The following RARB variants were observed in gnomAD, a reference collection of about 807,000 sequenced individuals.
RARB encodes HBV-activated protein.
RARB carries 17 observed loss-of-function variants against 51.9 expected under a neutral mutation model. The observed-to-expected ratio is 0.33, with a 90% CI of 0.22 to 0.49. The LOEUF (loss-of-function observed/expected upper bound fraction) is 0.49. Ranked by LOEUF, RARB falls within the 20% of genes least tolerant of loss-of-function variation. The pLI, the probability that RARB is intolerant of heterozygous loss-of-function variation, is 0.99. For synonymous variants in RARB, 215 were observed against 195.4 expected, an observed-to-expected ratio of 1.10 and a Z score of -0.84; for missense variants, 369 against 550.8, an observed-to-expected ratio of 0.67 and a Z score of 3.30.
intron 5 of RARB, among the ~76,000 whole-genome samples, chr3:25,418,253 G>A (rs1707762733): frequency 6.6e-6 from 1 of 152,126 alleles, no homozygotes; most frequent in Admixed American, 6.5e-5. Flanking sequence ...AATTAAGTTT[G>A]CCACAGAGTA....
chr3:25,055,344 T>C (rs1303798223), intron 2 of RARB, among the ~76,000 whole-genome samples: 1 of 152,178 alleles, frequency 6.6e-6, no homozygotes, highest in Non-Finnish European at 1.5e-5. Flanking sequence ...ACCTGCCAAG[T>C]ACCATGAATG....
chr3:25,043,328 G>A (rs1355775046), intron 2 of RARB, among the ~76,000 whole-genome samples: 1 of 152,108 alleles, frequency 6.6e-6, no homozygotes, highest in Non-Finnish European at 1.5e-5. Context: ...ATTTATACGT[G>A]GGCCACATAA....
chr3:25,122,754 G>T (rs1479165035), intron 3 of RARB, among the ~76,000 whole-genome samples: 1 of 152,170 alleles, frequency 6.6e-6, no homozygotes, highest in Non-Finnish European at 1.5e-5. Context: ...GAAGACGGAG[G>T]ATGGATTTTG....
chr3:25,023,021 G>T (rs1450749502), intron 2 of RARB, among the ~76,000 whole-genome samples: 3 of 152,150 alleles, frequency 2.0e-5, no homozygotes, highest in Non-Finnish European at 4.4e-5. Context: ...CTGCTGCATG[G>T]ATTACAAATT....
chr3:25,414,760 G>A (rs147708035), intron 5 of RARB, among the ~76,000 whole-genome samples: 1,542 of 152,310 alleles, frequency 0.01, 13 homozygotes, highest in Non-Finnish European at 0.016. Context: ...CCCAATAAGA[G>A]TTGGAAGAAG....
At chr3:25,562,763 T>G (rs1427371780) in intron 3 of RARB, among the ~76,000 whole-genome samples, 1 of 152,180 alleles carries the variant, frequency 6.6e-6, no homozygotes, top group Non-Finnish European at 1.5e-5. Context: ...TGAAAATGAA[T>G]GCGACCACAG....
At chr3:25,589,057 G>A (rs548421423) in intron 5 of RARB, among the ~76,000 whole-genome samples, 12 of 152,198 alleles carry the variant, frequency 7.9e-5, no homozygotes, top group East Asian at 1.9e-4. Flanking sequence ...ACCACCACAC[G>A]TTATACCTCA....
At chr3:25,542,190 T>C (rs1464056813) in intron 3 of RARB, among the ~76,000 whole-genome samples, 1 of 152,258 alleles carries the variant, frequency 6.6e-6, no homozygotes, top group Non-Finnish European at 1.5e-5. Context: ...ACAAGAGCTA[T>C]GATCAATTAG....
rs113303068 is a variant in RARB at position 25,551,272 on chromosome 3, T to C, written c.449-18486T>C. On this transcript the variant is annotated intron_variant, in intron 3 of 7. Coordinates refer to ENST00000330688, the MANE Select transcript of RARB (RefSeq NM_000965.5). ...GTGGAACCCGGCAGCCCATTTGAGC[T>C]CTAACAGTACTGTTTTTACTTTTTA... 8.8e-3 allele frequency among the ~76,000 whole-genome samples: 1,344 copies of C among 152,322 alleles called. 22 individuals are homozygous for C. Among genetic ancestry groups the C allele is most frequent in the African/African-American group, 0.031 (1,293 of 41,572 alleles).
chr3:25,475,603 T>C (rs1043065436), intron 2 of RARB, among the ~76,000 whole-genome samples: 8 of 152,214 alleles, frequency 5.3e-5, no homozygotes, highest in Non-Finnish European at 1.2e-4. Flanking sequence ...TACTTCTTTT[T>C]CTTCAAGCCA....
At chr3:24,906,617 C>A (rs1328451819) in intron 2 of RARB, among the ~76,000 whole-genome samples, 1 of 151,912 alleles carries the variant, frequency 6.6e-6, no homozygotes, top group Non-Finnish European at 1.5e-5. Flanking sequence ...TTGAGGCGGG[C>A]AGATCACCTG....
chr3:24,862,236 A>G (rs1299568978), intron 2 of RARB, among the ~76,000 whole-genome samples: 8 of 152,180 alleles, frequency 5.3e-5, no homozygotes, highest in African/African-American at 1.7e-4. Flanking sequence ...TTCATACTCA[A>G]AGAATTATGA....
rs146458948 is a variant in RARB at position 25,396,569 on chromosome 3, C to G, written c.179-64624C>G. Among the ~76,000 whole-genome samples the G allele has an allele frequency of 2.2e-4, 33 of 152,178 alleles. 1 individual carries two copies. The highest frequency in any genetic ancestry group is 7.2e-4 in the African/African-American group (30 of 41,514). On this transcript the variant is annotated intron_variant, in intron 5 of 11. Transcript: ENST00000383772. Reference sequence around the variant, plus strand: ...CCCTAAGGTTACCTGGATAAGTATTCAAGTTAGTAGGTAGGGCCACAGAGC... The same window carrying G: ...CCCTAAGGTTACCTGGATAAGTATTGAAGTTAGTAGGTAGGGCCACAGAGC...
chr3:24,986,319 A>G (rs956870627), intron 2 of RARB, among the ~76,000 whole-genome samples: 7 of 152,256 alleles, frequency 4.6e-5, no homozygotes, highest in South Asian at 2.1e-4. Flanking sequence ...TAAGTATTCA[A>G]TATTAGTCAA....
chr3:25,095,310 G>A (rs569428674), intron 3 of RARB, among the ~76,000 whole-genome samples: 14 of 152,296 alleles, frequency 9.2e-5, no homozygotes, highest in Middle Eastern at 3.4e-3. Flanking sequence ...GTTTGGGATT[G>A]GTTTACAGCA....
chr3:25,480,269 T>C lies in RARB; in HGVS notation c.306+18928T>C, dbSNP rs79188970. ...GTGTAGTATATACACAGTGCTTCTT[T>C]AGTGCCAAGAGCACGTATCTAGAAT... On this transcript the variant is annotated intron_variant, in intron 2 of 7. Coordinates refer to ENST00000330688, the MANE Select transcript of RARB (RefSeq NM_000965.5). 2.9e-3 allele frequency among the ~76,000 whole-genome samples: 437 copies of C among 152,368 alleles called. 5 individuals are homozygous for C. The highest frequency in any genetic ancestry group is 0.01 in the African/African-American group (419 of 41,588).
chr3:24,914,452 C>T lies in RARB; in HGVS notation c.-380+55700C>T, dbSNP rs139077157. Reference sequence around the variant, plus strand: ...CATGGGAAGAGGTAATTCAACCTTCCGGATTTGATAGATGGAACATCTTCT... The same window carrying T: ...CATGGGAAGAGGTAATTCAACCTTCTGGATTTGATAGATGGAACATCTTCT... On this transcript the variant is annotated intron_variant, in intron 2 of 11. Transcript: ENST00000383772. Among the ~76,000 whole-genome samples, 430 of 152,058 alleles carry T rather than the reference C, an allele frequency of 2.8e-3. 2 individuals are homozygous for T. Among genetic ancestry groups the T allele is most frequent in the African/African-American group, 9.6e-3 (398 of 41,432 alleles).
At chr3:25,240,048 T>G (rs1234632636) in intron 5 of RARB, among the ~76,000 whole-genome samples, 2 of 151,098 alleles carry the variant, frequency 1.3e-5, no homozygotes, top group African/African-American at 4.9e-5. Context: ...GTTTGTTTGT[T>G]TTTTTTTTGT....
chr3:24,832,977 C>T (rs1702301443), intron 1 of RARB: 1 of 152,146 alleles, frequency 6.6e-6, no homozygotes, highest in African/African-American at 2.4e-5. Context: ...TCCCTTACCT[C>T]ATTTCTTTTC....
Sources: allele counts gnomAD v4.1 joint callset (sites outside exome capture counted in the v4.1 genomes callset), GRCh38; gene constraint gnomAD v4.1.1; transcripts MANE v1.5; gene names NCBI Gene and HGNC (gene_info 2026-07-23, HGNC 2026-07-21).